Variants in OR11A1 observed in about 807,000 individuals in gnomAD.
OR11A1 encodes olfactory receptor 11A1.
For synonymous variants in OR11A1, 158 were observed against 152.2 expected (o/e 1.04, Z -0.28); for missense variants, 380 against 378.2 (o/e 1.00, Z -0.04).
Position 29,426,795 on chromosome 6 carries a change from T to TGAC in OR11A1, c.844_846dup (p.Val282dup). On this transcript the variant is annotated inframe_insertion, in exon 5 of 5. Transcript: ENST00000377149. Reference sequence around the variant, plus strand: ...TAGATCACAGGATTGAAGAGAGGGGTGACCACAGTGTAGAGCAGGGAGAAG... The same window carrying TGAC: ...TAGATCACAGGATTGAAGAGAGGGGTGACGACCACAGTGTAGAGCAGGGAGAAG... 1.2e-6 allele frequency: 2 copies of TGAC among 1,613,074 alleles called. No individual in the cohort carries two copies.
intron 1 of OR11A1, among the ~76,000 whole-genome samples, chr6:29,433,143 G>A (rs753540608): frequency 8.5e-5 from 13 of 152,188 alleles, no homozygotes; most frequent in Admixed American, 3.9e-4. Flanking sequence ...ACAAAATCAA[G>A]CTAATTTACA....
intron 1 of OR11A1, among the ~76,000 whole-genome samples, chr6:29,436,959 C>T (rs969031361): frequency 6.6e-6 from 1 of 152,248 alleles, no homozygotes; most frequent in Non-Finnish European, 1.5e-5. Flanking sequence ...GCCGCAGCGG[C>T]TGCTTTCGAA....
At chr6:29,452,717 G>A (rs1785556352) in intron 1 of OR11A1, among the ~76,000 whole-genome samples, 1 of 152,062 alleles carries the variant, frequency 6.6e-6, no homozygotes, top group Admixed American at 6.5e-5. Context: ...TTAAAAAGAA[G>A]CTGAGAAAAT....
At chr6:29,445,973 A>G (rs1784729142) in intron 1 of OR11A1, among the ~76,000 whole-genome samples, 1 of 152,038 alleles carries the variant, frequency 6.6e-6, no homozygotes, top group East Asian at 1.9e-4. Context: ...CCAGGGACAT[A>G]AGGAGAAGGA....
intron 1 of OR11A1, chr6:29,440,591 G>C: frequency 6.2e-7 from 1 of 1,613,914 alleles, no homozygotes; most frequent in East Asian, 2.2e-5. Context: ...GAGACACCTC[G>C]CTTAATGAAC....
chr6:29,428,208 C>G, intron 4 of OR11A1: 1 of 984,736 alleles, frequency 1.0e-6, no homozygotes, highest in Non-Finnish European at 1.2e-6. Context: ...ATCAGTGATA[C>G]CTTACCAACT....
intron 1 of OR11A1, among the ~76,000 whole-genome samples, chr6:29,456,113 C>T (rs962643440): frequency 6.6e-6 from 1 of 151,494 alleles, no homozygotes; most frequent in African/African-American, 2.4e-5. Flanking sequence ...GTCTATAATC[C>T]CAGCTACTCA....
intron 3 of OR11A1, among the ~76,000 whole-genome samples, chr6:29,429,979 G>A (rs1477369508): frequency 6.6e-6 from 1 of 152,004 alleles, no homozygotes; most frequent in Non-Finnish European, 1.5e-5. Context: ...GTGAAAGAAG[G>A]GATGGCCCCA....
intron 2 of OR11A1, 69 bp from the exon 3 acceptor site, chr6:29,430,494 T>G: frequency 1.1e-6 from 1 of 922,664 alleles, no homozygotes; most frequent in Non-Finnish European, 1.3e-6. Flanking sequence ...TCATGACCAC[T>G]ACCTCCCCTG....
In OR11A1 at chr6:29,427,408, T is replaced by C; in HGVS notation, c.234A>G (p.Ala78=). The C allele has an allele frequency of 5.0e-6, 8 of 1,613,108 alleles. No homozygotes were observed. Among genetic ancestry groups the C allele is most frequent in the Non-Finnish European group, 6.8e-6 (8 of 1,180,026 alleles). The change falls in exon 5 of 5, where the codon GCA becomes GCG. Residue 78 remains alanine, a synonymous_variant. Transcript: ENST00000377149. ...LSFLDILYTS[A]VMPKMLEGFL... ...AGCCCTCCAGCATTTTTGGCATCAC[T>C]GCGGAGGTGTAGAGAATATCCAGGA...
In OR11A1 at chr6:29,426,735, G is replaced by C. The variant is rs558887293; in HGVS notation, c.907C>G (p.Arg303Gly). 2.5e-6 allele frequency: 4 copies of C among 1,612,306 alleles called. No homozygotes were observed. The African/African-American group carries it at 5.3e-5, about 22-fold the overall frequency. ...MRNKEVHQAL[R>G]KILCIKQTET... Reference sequence around the variant, plus strand: ...GTTTGTTTGATACAGAGAATCTTCCGAAGTGCCTGATGCACCTCCTTGTTC... The same window carrying C: ...GTTTGTTTGATACAGAGAATCTTCCCAAGTGCCTGATGCACCTCCTTGTTC... Residue 303 changes from arginine (R) to glycine (G), a missense_variant, in exon 5 of 5, where the codon CGG becomes GGG. Physicochemically the swap from Arg to Gly is moderately radical, Grantham distance 125 (BLOSUM62 -2). Coordinates refer to ENST00000377149, the MANE Select transcript of OR11A1 (RefSeq NM_001394828.1).
At chr6:29,444,567 C>A (rs1227773179) in intron 1 of OR11A1, among the ~76,000 whole-genome samples, 1 of 152,156 alleles carries the variant, frequency 6.6e-6, no homozygotes, top group African/African-American at 2.4e-5. Context: ...GCTTATTTGT[C>A]CCAAGGACTA....
At chr6:29,440,249 C>G (rs564896821) in intron 1 of OR11A1, 1 of 1,614,034 alleles carries the variant, frequency 6.2e-7, no homozygotes, top group Non-Finnish European at 8.5e-7. Context: ...TCACGGTCCC[C>G]CTGCTACTTC....
intron 1 of OR11A1, among the ~76,000 whole-genome samples, chr6:29,443,190 TA>T (rs1784379430): frequency 6.6e-6 from 1 of 152,152 alleles, no homozygotes; most frequent in African/African-American, 2.4e-5. Flanking sequence ...TTGACCCATG[TA>T]TGCACCATGA....
chr6:29,439,865 A>C lies in OR11A1; in HGVS notation c.-388-7878T>G. ...ATATGGACTCCAGGCAAGGCTGCCT[A>C]ATTTCAAAGTCCATGATATTCTAAT... On this transcript the variant is annotated intron_variant, in intron 1 of 4. Coordinates refer to ENST00000377149, the MANE Select transcript of OR11A1 (RefSeq NM_001394828.1). 4 of 638,942 alleles carry C rather than the reference A, an allele frequency of 6.3e-6. No homozygotes were observed. In the South Asian group the frequency reaches 8.1e-5, roughly 13 times the overall value. The allele number at this position is 638,942 out of a possible 1,614,324, so 39.6% of individuals were successfully genotyped here.
chr6:29,447,748 A>G (rs1784918399), intron 1 of OR11A1, among the ~76,000 whole-genome samples: 1 of 152,214 alleles, frequency 6.6e-6, no homozygotes, highest in Non-Finnish European at 1.5e-5. Flanking sequence ...TTAGTGAAAT[A>G]AATACTGTAG....
intron 1 of OR11A1, among the ~76,000 whole-genome samples, chr6:29,456,378 C>T (rs1165010494): frequency 1.3e-5 from 2 of 151,216 alleles, no homozygotes; most frequent in Non-Finnish European, 2.9e-5. Flanking sequence ...GGCGTGGTGG[C>T]GGGCGCCTGT....
chr6:29,440,510 G>T, intron 1 of OR11A1: 1 of 1,613,676 alleles, frequency 6.2e-7, no homozygotes, highest in Non-Finnish European at 8.5e-7. Context: ...TCTTCTCTTT[G>T]CCCTTCTGCG....
intron 1 of OR11A1, chr6:29,440,404 G>T (rs771213382): frequency 4.3e-6 from 7 of 1,613,948 alleles, no homozygotes; most frequent in Non-Finnish European, 5.1e-6. Context: ...GAACCCCTCC[G>T]CTACCCACTG....
Sources: gnomAD v4.1 joint callset for allele counts (sites outside exome capture counted in the v4.1 genomes callset) on GRCh38, gnomAD v4.1.1 for gene constraint, MANE v1.5 for transcripts, NCBI Gene and HGNC (gene_info 2026-07-23, HGNC 2026-07-21) for gene names.